Variants in POLR3B observed in about 807,000 individuals in gnomAD.
The protein encoded by POLR3B is DNA-directed RNA polymerase III subunit RPC2.
Under a neutral mutation model 147.4 loss-of-function variants are expected in POLR3B, and 96 were observed. The ratio of observed to expected loss-of-function variants is 0.65; its 90% CI spans 0.55 to 0.77. The LOEUF (loss-of-function observed/expected upper bound fraction) is 0.77, where lower values mean the gene tolerates loss of function less well. Among genes scored for constraint, POLR3B ranks in the 30% least tolerant of loss-of-function variants. POLR3B has a pLI of 0.00. For synonymous variants in POLR3B, 461 were observed against 485.9 expected, an observed-to-expected ratio of 0.95 and a Z score of 0.67; for missense variants, 1,036 against 1,413.5, an observed-to-expected ratio of 0.73 and a Z score of 4.28.
chr12:106,452,091 G>A (rs1369288141), intron 19 of POLR3B, among the ~76,000 whole-genome samples: 1 of 152,186 alleles, frequency 6.6e-6, no homozygotes, highest in Admixed American at 6.5e-5. Flanking sequence ...ACACAGGCAA[G>A]CCCTATCATT....
chr12:106,479,229 G>A (rs10861613), intron 23 of POLR3B, among the ~76,000 whole-genome samples: 59,356 of 151,808 alleles, frequency 0.39, 13,799 homozygotes, highest in African/African-American at 0.65. Context: ...CAAATATTGG[G>A]ACTTCCAGAT....
chr12:106,373,558 A>G (rs1488733232), intron 6 of POLR3B, among the ~76,000 whole-genome samples: 1 of 152,148 alleles, frequency 6.6e-6, no homozygotes, highest in East Asian at 1.9e-4. Flanking sequence ...GTTCGAGACC[A>G]GCCTGGCCAA....
chr12:106,389,373 G>A (rs2036884138), intron 9 of POLR3B, among the ~76,000 whole-genome samples: 1 of 152,096 alleles, frequency 6.6e-6, no homozygotes, highest in African/African-American at 2.4e-5. Context: ...CATGTGCTTG[G>A]CATATCTTTG....
intron 11 of POLR3B, among the ~76,000 whole-genome samples, chr12:106,406,594 T>C (rs1008029790): frequency 1.3e-5 from 2 of 152,206 alleles, no homozygotes; most frequent in Non-Finnish European, 2.9e-5. Flanking sequence ...CCTTCACTTA[T>C]TGTGAAGATT....
chr12:106,429,315 TTCTTAG>T (rs1367097133), intron 13 of POLR3B, among the ~76,000 whole-genome samples: 1 of 152,216 alleles, frequency 6.6e-6, no homozygotes, highest in African/African-American at 2.4e-5. Context: ...AGTTTTTGTA[TTCTTAG>T]TAGAGATGAG....
intron 11 of POLR3B, among the ~76,000 whole-genome samples, chr12:106,407,472 G>A (rs1385648092): frequency 2.6e-5 from 4 of 152,178 alleles, no homozygotes; most frequent in African/African-American, 4.8e-5. Context: ...TGAGAAGAAT[G>A]TTGGGTTAAT....
At chr12:106,441,621 T>A (rs752599901) in intron 18 of POLR3B, among the ~76,000 whole-genome samples, 11 of 152,016 alleles carry the variant, frequency 7.2e-5, no homozygotes, top group Non-Finnish European at 1.3e-4. Flanking sequence ...ATATATATAT[T>A]TTTTTAATTG....
At chr12:106,407,848 G>A (rs151242507) in intron 11 of POLR3B, among the ~76,000 whole-genome samples, 2 of 152,078 alleles carry the variant, frequency 1.3e-5, no homozygotes, top group East Asian at 1.9e-4. Flanking sequence ...AAAATCATTT[G>A]TGCTTTTCTG....
chr12:106,358,097 C>G (rs17285274), intron 1 of POLR3B, 146 bp downstream of exon 1: 1 of 1,517,178 alleles, frequency 6.6e-7, no homozygotes, highest in African/African-American at 1.4e-5. Context: ...GTCGCGCTTG[C>G]GAGTCTTTTT....
intron 23 of POLR3B, among the ~76,000 whole-genome samples, chr12:106,490,168 T>G (rs992575212): frequency 3.9e-5 from 6 of 152,230 alleles, no homozygotes; most frequent in Non-Finnish European, 1.5e-5. Flanking sequence ...AATTAGGGTA[T>G]TTAGTGTTTT....
chr12:106,453,510 A>G (rs539486562), intron 19 of POLR3B, among the ~76,000 whole-genome samples: 84 of 152,072 alleles, frequency 5.5e-4, no homozygotes, highest in African/African-American at 1.8e-3. Flanking sequence ...TGCAAGAGAG[A>G]GAGACTTAAA....
At chr12:106,471,469 C>G (rs1467279419) in intron 23 of POLR3B, among the ~76,000 whole-genome samples, 1 of 152,150 alleles carries the variant, frequency 6.6e-6, no homozygotes, top group African/African-American at 2.4e-5. Context: ...CCGTGAGGTG[C>G]ACCCACTGTC....
intron 9 of POLR3B, among the ~76,000 whole-genome samples, chr12:106,387,721 T>C (rs958830885): frequency 3.7e-4 from 57 of 152,198 alleles, no homozygotes; most frequent in African/African-American, 1.3e-3. Flanking sequence ...CAGACAGATT[T>C]AGGTTGAATC....
At chr12:106,454,993 G>A (rs1247983289) in intron 20 of POLR3B, among the ~76,000 whole-genome samples, 7 of 152,072 alleles carry the variant, frequency 4.6e-5, no homozygotes, top group African/African-American at 7.2e-5. Context: ...ATGTAAGAAT[G>A]TGTTTGTTTT....
intron 26 of POLR3B, 85 bp downstream of exon 26, chr12:106,501,521 A>G (rs527909791): frequency 1.1e-5 from 9 of 847,508 alleles, no homozygotes; most frequent in African/African-American, 1.0e-4. Flanking sequence ...AGCAGACTCA[A>G]CAAAGTTTCT....
rs1467371217 is a variant in POLR3B, at chr12:106,459,236, T to C, written c.2453-15T>C. 1 of 1,387,424 alleles carries C rather than the reference T, an allele frequency of 7.2e-7. No homozygotes were observed. 85.9% of individuals were successfully genotyped at this position (1,387,424 alleles called of 1,614,324 possible). On this transcript the variant is annotated splice_polypyrimidine_tract_variant and intron_variant, in intron 21 of 27. Transcript: ENST00000228347. Reference sequence around the variant, plus strand: ...GATGATAACGATGTGCCTAACACTTTTCTTTTTTTCTCAGGTGAGAAAGTA... The same window carrying C: ...GATGATAACGATGTGCCTAACACTTCTCTTTTTTTCTCAGGTGAGAAAGTA...
intron 9 of POLR3B, among the ~76,000 whole-genome samples, chr12:106,392,501 A>G (rs1352659443): frequency 2.0e-5 from 3 of 152,172 alleles, no homozygotes; most frequent in Non-Finnish European, 4.4e-5. Flanking sequence ...TGAAACCTGC[A>G]TGAAGTTTGG....
intron 7 of POLR3B, among the ~76,000 whole-genome samples, chr12:106,377,818 G>A (rs2036701267): frequency 6.6e-6 from 1 of 152,148 alleles, no homozygotes; most frequent in South Asian, 2.1e-4. Context: ...ATATCAGATG[G>A]GCGCAATGGC....
At chr12:106,413,782 T>C (rs2037262464) in intron 12 of POLR3B, among the ~76,000 whole-genome samples, 2 of 152,122 alleles carry the variant, frequency 1.3e-5, no homozygotes, top group African/African-American at 4.8e-5. Context: ...GTTCTCTTTT[T>C]TCTATTATCT....
Sources: allele counts gnomAD v4.1 joint callset (sites outside exome capture counted in the v4.1 genomes callset), GRCh38; gene constraint gnomAD v4.1.1; transcripts MANE v1.5; gene names NCBI Gene and HGNC (gene_info 2026-07-23, HGNC 2026-07-21).